The following FGFR3 variants were observed in gnomAD, a reference collection of about 807,000 sequenced individuals.
The protein encoded by FGFR3 is fibroblast growth factor receptor 3.
FGFR3 carries 25 observed loss-of-function variants against 82.9 expected under a neutral mutation model. The ratio of observed to expected loss-of-function variants is 0.30; its 90% CI spans 0.22 to 0.42. The LOEUF is 0.42. FGFR3 is among the 10% of genes least tolerant of loss of function. The probability of loss-of-function intolerance (pLI) is 1.00; values close to 1 mark genes in which losing one functional copy is unlikely to be tolerated. For synonymous variants in FGFR3, 620 were observed against 516.0 expected, an observed-to-expected ratio of 1.20 and a Z score of -2.73; for missense variants, 1,026 against 1,161.0, an observed-to-expected ratio of 0.88 and a Z score of 1.69.
intron 2 of FGFR3, 152 bp from the exon 3 acceptor site, chr4:1,799,102 T>G: frequency 9.2e-7 from 1 of 1,086,452 alleles, no homozygotes; most frequent in Non-Finnish European, 1.4e-6. Context: ...TTTGGCCCTT[T>G]TGGGACACAG....
intron 2 of FGFR3, among the ~76,000 whole-genome samples, chr4:1,796,352 T>C (rs991632409): frequency 7.9e-5 from 12 of 152,176 alleles, no homozygotes; most frequent in African/African-American, 2.2e-4. Flanking sequence ...CCGGACTTTA[T>C]TGTGAAACTC....
At chr4:1,807,047 C>G (rs1401578778) in intron 17 of FGFR3, 69 bp from the exon 18 acceptor site, 1 of 1,551,694 alleles carries the variant, frequency 6.4e-7, no homozygotes, top group Non-Finnish European at 8.7e-7. Flanking sequence ...GGGGCACAGC[C>G]TGGGCACAGA....
At chr4:1,794,453 G>T (rs3135835) in intron 2 of FGFR3, among the ~76,000 whole-genome samples, 1 of 152,104 alleles carries the variant, frequency 6.6e-6, no homozygotes, top group Non-Finnish European at 1.5e-5. Context: ...GGCCAGCTTC[G>T]GCCAAGGCGA....
At position 1,807,243 on chromosome 4, in the gene FGFR3, GT is replaced by G; in HGVS notation, c.2403del (p.Ser801ArgfsTer19). On this transcript the variant is annotated frameshift_variant, in exon 18 of 18. Coordinates refer to ENST00000440486, the MANE Select transcript of FGFR3 (RefSeq NM_000142.5). LOFTEE classifies it high-confidence loss of function. ...CTGCTGCCCCCGGCCCCACCCAGCA[GT>G]GGGGGCTCGCGGACGTGAAGGGCCA... is the stretch of plus-strand genomic sequence containing the variant. ...HDLLPPAPPS[S>X]GGSRT 1 of 1,605,974 alleles carries G rather than the reference GT, an allele frequency of 6.2e-7. No homozygotes were observed. Among genetic ancestry groups the G allele is most frequent in the Non-Finnish European group, 8.5e-7 (1 of 1,177,618 alleles).
At position 1,794,043 on chromosome 4, in the gene FGFR3, G is replaced by A. The variant is rs1553842213; in HGVS notation, c.109G>A (p.Glu37Lys). 15 of 1,397,940 alleles carry A rather than the reference G, an allele frequency of 1.1e-5. No homozygotes were observed. Among genetic ancestry groups the A allele is most frequent in the Non-Finnish European group, 1.3e-5 (14 of 1,062,758 alleles). 86.6% of individuals were successfully genotyped at this position (1,397,940 alleles called of 1,614,324 possible). A position where few individuals can be genotyped will look rare whatever the true frequency, so the allele number is the denominator to read the frequency against. The change falls in exon 2 of 18, where the codon GAA (glutamate) becomes AAA (lysine). Residue 37 changes from glutamate (E) to lysine (K), a missense_variant and splice_region_variant. Around this residue, in one of 9 missense-constraint regions of FGFR3, gnomAD observed 226 missense variants for 222.0 expected, o/e 1.02. Transcript: ENST00000440486. ...TEQRVVGRAA[E>K]VPGPEPGQQE... ...GCAGCGCGTCGTGGGGCGAGCGGCA[G>A]GTAAGAAGGGACCCACTAGGCACGG... is the stretch of plus-strand genomic sequence containing the variant.
intron 12 of FGFR3, 29 bp downstream of exon 12, chr4:1,805,698 C>A (rs2108803929): frequency 6.2e-7 from 1 of 1,611,294 alleles, no homozygotes; most frequent in Non-Finnish European, 8.5e-7. Context: ...GTGGTGCCGG[C>A]TGGGCGGCCC....
Position 1,805,648 on chromosome 4 carries a change from C to A in FGFR3, c.1624C>A (p.Leu542Met), listed in dbSNP as rs748241961. ...GAAACACAAAAACATCATCAACCTG[C>A]TGGGCGCCTGCACGCAGGGCGGTAG... Reference protein sequence around the residue: ...IGKHKNIINLLGACTQGGPLY... With the variant: ...IGKHKNIINLMGACTQGGPLY... The change falls in exon 12 of 18, where the codon CTG becomes ATG. Residue 542 changes from leucine to methionine, a missense_variant. By Grantham distance (15) the Leu-to-Met change is conservative. This residue lies in a region of FGFR3 where 164 missense variants were observed against 167.5 expected (regional missense o/e 0.98). Coordinates refer to ENST00000440486, the MANE Select transcript of FGFR3 (RefSeq NM_000142.5). 2 of 1,613,040 alleles carry A rather than the reference C, an allele frequency of 1.2e-6. No individual in the cohort carries two copies. Among genetic ancestry groups the A allele is most frequent in the Non-Finnish European group, 8.5e-7 (1 of 1,179,734 alleles).
Position 1,799,930 on chromosome 4 carries a change from C to T in FGFR3, c.445+118C>T, listed in dbSNP as rs1720994551. 2.2e-5 allele frequency: 25 copies of T among 1,153,568 alleles called. No individual in the cohort carries two copies. In the South Asian group the frequency reaches 3.4e-4, roughly 15 times the overall value. The allele number at this position is 1,153,568 out of a possible 1,614,324, so 71.5% of individuals were successfully genotyped here. A position where few individuals can be genotyped will look rare whatever the true frequency, so the allele number is the denominator to read the frequency against. ...CCCGGAACAACCTCCCTGGGGTCAC[C>T]CCGAAGGTCTGGTCCCCTCAGGATA... On this transcript the variant is annotated intron_variant, in intron 4 of 17. Coordinates refer to ENST00000440486, the MANE Select transcript of FGFR3 (RefSeq NM_000142.5).
At chr4:1,803,262 C>T (rs1004747968) in intron 7 of FGFR3, 15 of 652,692 alleles carry the variant, frequency 2.3e-5, no homozygotes, top group African/African-American at 1.8e-4. Flanking sequence ...TGCGCCGACC[C>T]TTCCCGCACG....
chr4:1,796,474 T>C (rs1406620636), intron 2 of FGFR3, among the ~76,000 whole-genome samples: 1 of 152,146 alleles, frequency 6.6e-6, no homozygotes, highest in Non-Finnish European at 1.5e-5. Flanking sequence ...GAGAACTTCA[T>C]GTGCATCCGA....
chr4:1,799,698 G>A, intron 3 of FGFR3, 49 bp from the exon 4 acceptor site: 7 of 1,607,238 alleles, frequency 4.4e-6, no homozygotes, highest in South Asian at 1.1e-5. Context: ...GCACCTGGGG[G>A]CCTCCTGGGG....
intron 2 of FGFR3, among the ~76,000 whole-genome samples, chr4:1,797,027 T>C (rs1305566354): frequency 1.3e-5 from 2 of 152,092 alleles, no homozygotes; most frequent in Non-Finnish European, 2.9e-5. Flanking sequence ...GCACGTGTTG[T>C]GGGATCCATA....
In FGFR3 at chr4:1,807,322, A is replaced by ACAGCCACT; in HGVS notation, c.*62_*69dup. ...TAGCAGCCCACCCTGCTGCTGGTGC[A>ACAGCCACT]CAGCCACTCCCCGGCATGAGACTCA... On this transcript the variant is annotated 3_prime_UTR_variant, in exon 18 of 18. Coordinates refer to ENST00000440486, the MANE Select transcript of FGFR3 (RefSeq NM_000142.5). 6.5e-7 allele frequency: 1 copy of ACAGCCACT among 1,545,270 alleles called. No homozygotes were observed. Among genetic ancestry groups the ACAGCCACT allele is most frequent in the Non-Finnish European group, 8.7e-7 (1 of 1,149,316 alleles).
At position 1,801,886 on chromosome 4, in the gene FGFR3, C is replaced by T. The variant is rs587778773; in HGVS notation, c.791C>T (p.Thr264Met). Residue 264 changes from threonine to methionine, a missense_variant, in exon 7 of 18, where the codon ACG (threonine) becomes ATG (methionine). Thr to Met is a moderately conservative substitution (Grantham distance 81). Around this residue, in one of 9 missense-constraint regions of FGFR3, gnomAD observed 147 missense variants for 228.1 expected, o/e 0.64. Coordinates refer to ENST00000440486, the MANE Select transcript of FGFR3 (RefSeq NM_000142.5). ...ILQAGLPANQTAVLGSDVEFH... is the reference protein window; with the variant it reads ...ILQAGLPANQMAVLGSDVEFH... ...CAGGCGGGGCTGCCGGCCAACCAGA[C>T]GGCGGTGCTGGGCAGCGACGTGGAG... 2 of 1,610,554 alleles carry T rather than the reference C, an allele frequency of 1.2e-6. No homozygotes were observed.
chr4:1,794,192 G>A, intron 2 of FGFR3, 149 bp downstream of exon 2: 1 of 429,478 alleles, frequency 2.3e-6, no homozygotes, highest in East Asian at 3.9e-5. Context: ...TTGCCGGAGA[G>A]CGCGGCCAGA....
At chr4:1,803,506 C>T (rs930573442) in intron 7 of FGFR3, among the ~76,000 whole-genome samples, 186 bp from the exon 8 acceptor site, 6 of 152,248 alleles carry the variant, frequency 3.9e-5, no homozygotes, top group East Asian at 3.8e-4. Flanking sequence ...GGCCTGGCTT[C>T]GGGCTCAGTA....
intron 2 of FGFR3, among the ~76,000 whole-genome samples, chr4:1,794,708 A>G (rs969698470): frequency 4.6e-5 from 7 of 151,936 alleles, no homozygotes; most frequent in African/African-American, 1.4e-4. Context: ...GGAGGTCCCA[A>G]GGGGCGAGGG....
intron 8 of FGFR3, 42 bp from the exon 9 acceptor site, chr4:1,804,288 G>GT (rs375124658): frequency 3.9e-6 from 6 of 1,548,286 alleles, no homozygotes; most frequent in Admixed American, 1.9e-5. Flanking sequence ...AGCCCCGTGG[G>GT]GGGGGGGGCC....
chr4:1,797,767 G>A (rs1173526932), intron 2 of FGFR3, among the ~76,000 whole-genome samples: 2 of 152,200 alleles, frequency 1.3e-5, no homozygotes, highest in Non-Finnish European at 2.9e-5. Context: ...GGTCCCGGTG[G>A]GGCGAGGGCT....
Sources: allele counts gnomAD v4.1 joint callset (sites outside exome capture counted in the v4.1 genomes callset), GRCh38; gene constraint gnomAD v4.1.1; regional missense constraint gnomAD v4.1.1; transcripts MANE v1.5; gene names NCBI Gene and HGNC (gene_info 2026-07-23, HGNC 2026-07-21).